Variants in MATN2 observed in about 807,000 individuals in gnomAD.
The protein encoded by MATN2 is matrilin 2, also known as matrilin-2.
Under a neutral mutation model 103.2 loss-of-function variants are expected in MATN2, and 69 were observed. That is an observed-to-expected ratio of 0.67 (90% CI 0.55 to 0.82). The LOEUF is 0.82. Ranked by LOEUF, MATN2 falls within the 40% of genes least tolerant of loss-of-function variation. The pLI, the probability that MATN2 is intolerant of heterozygous loss-of-function variation, is 0.00. For synonymous variants in MATN2, 429 were observed against 450.2 expected (o/e 0.95, Z 0.60); for missense variants, 1,023 against 1,211.5 (o/e 0.84, Z 2.31).
chr8:97,904,079 C>G (rs886659012), intron 2 of MATN2, among the ~76,000 whole-genome samples: 1 of 152,154 alleles, frequency 6.6e-6, no homozygotes, highest in Non-Finnish European at 1.5e-5. Flanking sequence ...ATTAAACTGG[C>G]AGATATTCCC....
chr8:97,919,306 C>T (rs537027520), intron 2 of MATN2, among the ~76,000 whole-genome samples: 9 of 152,306 alleles, frequency 5.9e-5, no homozygotes, highest in East Asian at 1.9e-4. Context: ...GACCACAGCT[C>T]GCTGCAGCCT....
chr8:97,905,429 T>G (rs1031301579), intron 2 of MATN2, among the ~76,000 whole-genome samples: 1 of 152,188 alleles, frequency 6.6e-6, no homozygotes, highest in Non-Finnish European at 1.5e-5. Flanking sequence ...TTCTACTTTT[T>G]TCTCTATGAA....
At chr8:97,873,092 G>A (rs535858312) in intron 1 of MATN2, among the ~76,000 whole-genome samples, 3 of 152,252 alleles carry the variant, frequency 2.0e-5, no homozygotes, top group South Asian at 2.1e-4. Flanking sequence ...AACCGCACCC[G>A]GCCCAAAGTC....
At chr8:97,976,625 A>G (rs997873367) in intron 5 of MATN2, among the ~76,000 whole-genome samples, 1 of 152,186 alleles carries the variant, frequency 6.6e-6, no homozygotes, top group Non-Finnish European at 1.5e-5. Flanking sequence ...TGATATTAAT[A>G]TAATCCTAAA....
At chr8:98,023,842 A>G (rs1312112837) in intron 13 of MATN2, among the ~76,000 whole-genome samples, 1 of 152,256 alleles carries the variant, frequency 6.6e-6, no homozygotes, top group East Asian at 1.9e-4. Context: ...CATATACACC[A>G]TGGAATACTA....
chr8:98,028,859 T>C (rs1302356287), intron 14 of MATN2, among the ~76,000 whole-genome samples: 1 of 152,190 alleles, frequency 6.6e-6, no homozygotes, highest in Non-Finnish European at 1.5e-5. Context: ...AGTGCTAGGA[T>C]TATAGGCGTG....
At chr8:97,980,667 C>T (rs956987036) in intron 6 of MATN2, among the ~76,000 whole-genome samples, 6 of 148,414 alleles carry the variant, frequency 4.0e-5, no homozygotes, top group Admixed American at 2.1e-4. Flanking sequence ...TGGGTTCAAG[C>T]GATTCCCCCA....
chr8:97,970,099 G>A (rs1345427041), intron 5 of MATN2, among the ~76,000 whole-genome samples: 3 of 152,198 alleles, frequency 2.0e-5, no homozygotes, highest in Non-Finnish European at 2.9e-5. Flanking sequence ...CTCTTGCAGA[G>A]CAGGGCTACC....
intron 4 of MATN2, among the ~76,000 whole-genome samples, chr8:97,960,754 C>G (rs1302726429): frequency 3.3e-5 from 5 of 152,106 alleles, no homozygotes; most frequent in Admixed American, 2.0e-4. Context: ...GAGATTCTGT[C>G]TCAAAAAAAT....
chr8:98,033,258 A>G (rs1309146665), intron 17 of MATN2, 82 bp downstream of exon 17: 2 of 1,232,158 alleles, frequency 1.6e-6, no homozygotes, highest in Non-Finnish European at 2.2e-6. Flanking sequence ...TAAGGAGGAA[A>G]GGAAAGAAGG....
chr8:97,889,459 CTATATATATATATATATA>C (rs56115197), intron 2 of MATN2, among the ~76,000 whole-genome samples: 1 of 123,366 alleles, frequency 8.1e-6, no homozygotes, highest in African/African-American at 2.9e-5. Flanking sequence ...CTCTCTCTGT[CTATATATATATATATATA>C]TATATATATA....
chr8:97,936,229 C>A (rs1810364997), intron 3 of MATN2, among the ~76,000 whole-genome samples: 1 of 152,174 alleles, frequency 6.6e-6, no homozygotes. Context: ...AAAACGCTGT[C>A]CCCAGTGTTC....
In MATN2 at chr8:98,004,212, T is replaced by C. The variant is rs191979848; in HGVS notation, c.1327+429T>C. The stretch of plus-strand genomic sequence containing the variant: ...CTGAAGCAGGAGAATTACTCGAACC[T>C]AGGAGGCAGAGGTGCAGTGAGCTGA... On this transcript the variant is annotated intron_variant, in intron 8 of 18. Transcript: ENST00000254898. 303 of 179,364 alleles carry C rather than the reference T, an allele frequency of 1.7e-3. 2 individuals are homozygous for C. Among genetic ancestry groups the C allele is most frequent in the African/African-American group, 6.9e-3 (289 of 42,176 alleles). The allele number at this position is 179,364 out of a possible 1,614,324, so 11.1% of individuals were successfully genotyped here. A position where few individuals can be genotyped will look rare whatever the true frequency, so the allele number is the denominator to read the frequency against.
intron 8 of MATN2, among the ~76,000 whole-genome samples, chr8:98,004,923 G>A (rs1428927066): frequency 2.0e-5 from 3 of 152,240 alleles, no homozygotes; most frequent in Non-Finnish European, 4.4e-5. Flanking sequence ...CCTGAGTGTG[G>A]TGATGGACCC....
rs746677880 is a variant in MATN2, at chr8:98,035,729, C to A, written c.*17C>A. On this transcript the variant is annotated 3_prime_UTR_variant, in exon 19 of 19. Transcript: ENST00000254898. ...TACAGATGAAGATTAGAAATCGCGA[C>A]ACATTTGTAGTCATTGTATCACGGA... The A allele has an allele frequency of 1.3e-6, 2 of 1,578,736 alleles. No homozygotes were observed. Among genetic ancestry groups the A allele is most frequent in the Non-Finnish European group, 1.7e-6 (2 of 1,153,328 alleles).
intron 7 of MATN2, among the ~76,000 whole-genome samples, chr8:98,000,974 G>A (rs562806710): frequency 6.6e-6 from 1 of 152,232 alleles, no homozygotes; most frequent in Non-Finnish European, 1.5e-5. Flanking sequence ...CGTGAAGGAA[G>A]ATAGAGGTTA....
intron 1 of MATN2, among the ~76,000 whole-genome samples, chr8:97,880,923 G>C (rs1402016312): frequency 1.3e-5 from 2 of 152,166 alleles, no homozygotes; most frequent in Non-Finnish European, 2.9e-5. Flanking sequence ...CTGCCTGAGA[G>C]GTGCCAGGGT....
rs376127621 is a variant in MATN2 at position 98,018,105 on chromosome 8, A to C, written c.1808A>C (p.Lys603Thr). 66 of 1,613,832 alleles carry C rather than the reference A, an allele frequency of 4.1e-5. No individual in the cohort carries two copies. The African/African-American group carries it at 7.9e-4, about 19-fold the overall frequency. Residue 603 changes from lysine (K) to threonine (T), a missense_variant, in exon 12 of 19, where the codon AAA (lysine) becomes ACA (threonine). By Grantham distance (78) the Lys-to-Thr change is moderately conservative. Coordinates refer to ENST00000254898, the MANE Select transcript of MATN2 (RefSeq NM_002380.5). ...GGATTCCGGCTCGCTGAGGATGGGA[A>C]ACGCTGCCGAAGTAAGTAGCCTCGA... ...LEGFRLAEDGKRCRRKDVCKS... is the reference protein window; with the variant it reads ...LEGFRLAEDGTRCRRKDVCKS...
intron 2 of MATN2, among the ~76,000 whole-genome samples, chr8:97,889,457 G>GTATATATATATATATATATA (rs1164752239): frequency 8.9e-4 from 14 of 15,686 alleles, no homozygotes; most frequent in African/African-American, 2.6e-3. Flanking sequence ...CTCTCTCTCT[G>GTATATATATATATATATATA]TCTATATATA....
Sources: gnomAD v4.1 joint callset for allele counts (sites outside exome capture counted in the v4.1 genomes callset) on GRCh38, gnomAD v4.1.1 for gene constraint, MANE v1.5 for transcripts, NCBI Gene and HGNC (gene_info 2026-07-23, HGNC 2026-07-21) for gene names.